SLC6A3: variants seen among roughly 807,000 people sequenced by gnomAD.
The protein encoded by SLC6A3 is solute carrier family 6 member 3.
A neutral mutation model predicts 70.4 loss-of-function variants in SLC6A3; 19 were observed. That is an observed-to-expected ratio of 0.27 (90% CI 0.19 to 0.40). The LOEUF is 0.40. Ranked by LOEUF, SLC6A3 falls within the 10% of genes least tolerant of loss-of-function variation. The pLI is 1.00. For missense variants in SLC6A3, 613 were observed against 838.5 expected (o/e 0.73, Z 3.32); for synonymous variants, 368 against 356.6 (o/e 1.03, Z -0.36).
chr5:1,435,627 A>G (rs923640189), intron 3 of SLC6A3, among the ~76,000 whole-genome samples: 22 of 152,268 alleles, frequency 1.4e-4, no homozygotes, highest in Admixed American at 1.2e-3. Context: ...TCCATGGGAC[A>G]GTGCAGCCCC....
Position 1,436,051 on chromosome 5 carries a change from C to T in SLC6A3, c.419-3353G>A, listed in dbSNP as rs931910098. On this transcript the variant is annotated intron_variant, in intron 3 of 14. Coordinates refer to ENST00000270349, the MANE Select transcript of SLC6A3 (RefSeq NM_001044.5). This position sits in a 1 kb window ranked among gnomAD's most constrained non-coding sequence, Gnocchi z 5.2. ...TGGGTGAGGAAATGGCTCCCTTGAA[C>T]GGTGGTGGCCAGTCCCCTCCTGGAT... Among the ~76,000 whole-genome samples the T allele has an allele frequency of 1.4e-5, 2 of 147,296 alleles. No individual in the cohort carries two copies. The highest frequency in any genetic ancestry group is 2.3e-4 in the South Asian group (1 of 4,402).
rs1045488707 is a variant in SLC6A3, at chr5:1,396,510, A to G, written c.1840-1752T>C. Among the ~76,000 whole-genome samples, 9 of 152,194 alleles carry G rather than the reference A, an allele frequency of 5.9e-5. No individual in the cohort carries two copies. Among genetic ancestry groups the G allele is most frequent in the Admixed American group, 2.6e-4 (4 of 15,276 alleles). On this transcript the variant is annotated intron_variant, in intron 14 of 14. Coordinates refer to ENST00000270349, the MANE Select transcript of SLC6A3 (RefSeq NM_001044.5). This position sits in a 1 kb window ranked among gnomAD's most constrained non-coding sequence, Gnocchi z 7.0. ...TGGACTCCCTGAGCTGAGACGCTGGAAAGGAGAGCGAGGGAAACGGAGGTG... is the reference window on the plus strand; with the variant it reads ...TGGACTCCCTGAGCTGAGACGCTGGGAAGGAGAGCGAGGGAAACGGAGGTG...
Position 1,436,988 on chromosome 5 carries a change from A to G in SLC6A3, c.419-4290T>C, listed in dbSNP as rs1756851267. Among the ~76,000 whole-genome samples the G allele has an allele frequency of 6.6e-6, 1 of 152,146 alleles. No individual in the cohort carries two copies. Among genetic ancestry groups the G allele is most frequent in the Non-Finnish European group, 1.5e-5 (1 of 68,036 alleles). Reference sequence around the variant, plus strand: ...GGGAGAGGGCCGGGCACGGTGGCTCACTCCTGTAATCCCAGCACTTTGGGA... The same window carrying G: ...GGGAGAGGGCCGGGCACGGTGGCTCGCTCCTGTAATCCCAGCACTTTGGGA... On this transcript the variant is annotated intron_variant, in intron 3 of 14. Coordinates refer to ENST00000270349, the MANE Select transcript of SLC6A3 (RefSeq NM_001044.5). The surrounding 1 kb of genome is among the most constrained non-coding windows in gnomAD (Gnocchi z 5.2).
chr5:1,400,334 G>T (rs917745153), intron 14 of SLC6A3, among the ~76,000 whole-genome samples: 1 of 152,188 alleles, frequency 6.6e-6, no homozygotes, highest in Non-Finnish European at 1.5e-5. Flanking sequence ...GTAAAAACAC[G>T]TCAAGTGTTT....
chr5:1,431,119 A>T lies in SLC6A3; in HGVS notation c.653+1345T>A, dbSNP rs527543586. ...TGAGTCGAAGAGTCCGCCTGTCAGA[A>T]CGGCGACCCGGCACGAGGCCCCAGG... On this transcript the variant is annotated intron_variant, in intron 4 of 14. Coordinates refer to ENST00000270349, the MANE Select transcript of SLC6A3 (RefSeq NM_001044.5). 2.0e-5 allele frequency among the ~76,000 whole-genome samples: 3 copies of T among 152,366 alleles called. No individual in the cohort carries two copies. In the East Asian group the frequency reaches 5.8e-4, roughly 29 times the overall value.
rs1756830003 is a variant in SLC6A3 at position 1,436,180 on chromosome 5, G to A, written c.419-3482C>T. The stretch of plus-strand genomic sequence containing the variant: ...TGCTCCAAGCCCTGCCCTTCAGGAA[G>A]GCAGAGCCCGTGACCTGGGCCACTG... On this transcript the variant is annotated intron_variant, in intron 3 of 14. Coordinates refer to ENST00000270349, the MANE Select transcript of SLC6A3 (RefSeq NM_001044.5). The surrounding 1 kb of genome is among the most constrained non-coding windows in gnomAD (Gnocchi z 5.2). Among the ~76,000 whole-genome samples the A allele has an allele frequency of 6.6e-6, 1 of 152,246 alleles. No individual in the cohort carries two copies.
chr5:1,441,929 A>G (rs1428388198), intron 2 of SLC6A3, among the ~76,000 whole-genome samples: 1 of 151,918 alleles, frequency 6.6e-6, no homozygotes, highest in East Asian at 1.9e-4. Flanking sequence ...TCCTGTCCCC[A>G]GCTTCTGGGG....
intron 9 of SLC6A3, 72 bp from the exon 10 acceptor site, chr5:1,409,921 T>G: frequency 6.3e-7 from 1 of 1,589,226 alleles, no homozygotes; most frequent in African/African-American, 1.3e-5. Flanking sequence ...AAGACCTACT[T>G]GTCACCCAGT....
Position 1,394,576 on chromosome 5 carries a change from C to CA in SLC6A3, c.*158dup, listed in dbSNP as rs1423314567. 6 of 782,792 alleles carry CA rather than the reference C, an allele frequency of 7.7e-6. No individual in the cohort carries two copies. Among genetic ancestry groups the CA allele is most frequent in the African/African-American group, 1.7e-5 (1 of 59,210 alleles). The allele number at this position is 782,792 out of a possible 1,614,324, so 48.5% of individuals were successfully genotyped here. The stretch of plus-strand genomic sequence containing the variant: ...CGCTCCCGGCACGGAAAGGTGTAAA[C>CA]AGTCAGAAGAGAGGAGTCTTCTGCT... On this transcript the variant is annotated 3_prime_UTR_variant, in exon 15 of 15. Coordinates refer to ENST00000270349, the MANE Select transcript of SLC6A3 (RefSeq NM_001044.5). The surrounding 1 kb of genome is among the most constrained non-coding windows in gnomAD (Gnocchi z 4.7).
rs28382235 is a variant in SLC6A3, at chr5:1,432,807, A to C, written c.419-109T>G. ...ACGGGAGACATTACCCTGAGCCCAC[A>C]ACTCCTGGACAGCCCTGATGCCAGA... is the stretch of plus-strand genomic sequence containing the variant. On this transcript the variant is annotated intron_variant, in intron 3 of 14. Coordinates refer to ENST00000270349, the MANE Select transcript of SLC6A3 (RefSeq NM_001044.5). 3.0e-3 allele frequency: 2,384 copies of C among 784,478 alleles called. 38 individuals are homozygous for C. The African/African-American group carries it at 0.036, about 12-fold the overall frequency. The allele number at this position is 784,478 out of a possible 1,614,324, so 48.6% of individuals were successfully genotyped here.
chr5:1,438,586 G>A lies in SLC6A3; in HGVS notation c.418+2773C>T, dbSNP rs193058971. 1.3e-5 allele frequency among the ~76,000 whole-genome samples: 2 copies of A among 152,376 alleles called. No homozygotes were observed. Among genetic ancestry groups the A allele is most frequent in the East Asian group, 3.9e-4 (2 of 5,192 alleles). ...TACACCATGAAGACCCACAACGGCA[G>A]CTTTGTTGGTGAACATCCTTTCTGT... On this transcript the variant is annotated intron_variant, in intron 3 of 14. Transcript: ENST00000270349. The surrounding 1 kb of genome is among the most constrained non-coding windows in gnomAD (Gnocchi z 6.5).
Position 1,441,606 on chromosome 5 carries a change from C to G in SLC6A3, c.287-116G>C, listed in dbSNP as rs1045227281. 4 of 1,222,628 alleles carry G rather than the reference C, an allele frequency of 3.3e-6. No homozygotes were observed. The African/African-American group carries it at 6.0e-5, about 18-fold the overall frequency. The allele number at this position is 1,222,628 out of a possible 1,614,324, so 75.7% of individuals were successfully genotyped here. On this transcript the variant is annotated intron_variant, in intron 2 of 14. Coordinates refer to ENST00000270349, the MANE Select transcript of SLC6A3 (RefSeq NM_001044.5). ...CATGTCCTGGCCCGACCGTTTCACC[C>G]CACTCTCCAACGGGAAGTCCCAGGC...
At position 1,433,864 on chromosome 5, in the gene SLC6A3, T is replaced by C. The variant is rs535633334; in HGVS notation, c.419-1166A>G. Among the ~76,000 whole-genome samples, 7 of 151,940 alleles carry C rather than the reference T, an allele frequency of 4.6e-5. No individual in the cohort carries two copies. In the South Asian group the frequency reaches 1.5e-3, roughly 32 times the overall value. The stretch of plus-strand genomic sequence containing the variant: ...ATCCACAGCCATCCATAGTCATCCA[T>C]GGCTGTCCACAACCTCCCACATCCA... On this transcript the variant is annotated intron_variant, in intron 3 of 14. Transcript: ENST00000270349.
chr5:1,427,076 C>T (rs553250518), intron 4 of SLC6A3, among the ~76,000 whole-genome samples: 2 of 152,324 alleles, frequency 1.3e-5, no homozygotes, highest in South Asian at 4.1e-4. Flanking sequence ...GGAAGATGGT[C>T]TTAAATGGAA....
chr5:1,436,226 C>T lies in SLC6A3; in HGVS notation c.419-3528G>A, dbSNP rs547036259. ...CACTGACGTGTAGCCCCTCACCAAC[C>T]AGCCAACTTCACCACGAGCTCCTCA... On this transcript the variant is annotated intron_variant, in intron 3 of 14. Transcript: ENST00000270349. This position sits in a 1 kb window ranked among gnomAD's most constrained non-coding sequence, Gnocchi z 5.2. Among the ~76,000 whole-genome samples the T allele has an allele frequency of 1.3e-5, 2 of 152,380 alleles. No individual in the cohort carries two copies. The highest frequency in any genetic ancestry group is 4.1e-4 in the South Asian group (2 of 4,832).
rs28382225 is a variant in SLC6A3 at position 1,441,882 on chromosome 5, C to G, written c.287-392G>C. ...GCCTCTTGAGTTGTGAATCTGTGAC[C>G]CCCCAACTCTGCCCCTGAGCTGAGT... On this transcript the variant is annotated intron_variant, in intron 2 of 14. Transcript: ENST00000270349. 5.3e-3 allele frequency among the ~76,000 whole-genome samples: 801 copies of G among 152,212 alleles called. 9 individuals are homozygous for G. Among genetic ancestry groups the G allele is most frequent in the African/African-American group, 0.018 (766 of 41,510 alleles).
intron 3 of SLC6A3, among the ~76,000 whole-genome samples, chr5:1,439,012 C>T (rs1211067333): frequency 6.6e-5 from 10 of 152,256 alleles, no homozygotes; most frequent in South Asian, 2.1e-4. Context: ...CTCTGAAACA[C>T]GTCCGTGCCG....
intron 4 of SLC6A3, among the ~76,000 whole-genome samples, chr5:1,431,254 C>G (rs1756694559): frequency 6.6e-6 from 1 of 152,244 alleles, no homozygotes; most frequent in African/African-American, 2.4e-5. Context: ...CCCTTCCAGG[C>G]TGGGCCAGGC....
rs1440045564 is a variant in SLC6A3, at chr5:1,436,518, A to C, written c.419-3820T>G. Reference sequence around the variant, plus strand: ...CCCAGGAAGCTCGGCGCTAAGTGTGAATTTCAAGCATAGCTTTTAAGGCCC... The same window carrying C: ...CCCAGGAAGCTCGGCGCTAAGTGTGCATTTCAAGCATAGCTTTTAAGGCCC... On this transcript the variant is annotated intron_variant, in intron 3 of 14. Coordinates refer to ENST00000270349, the MANE Select transcript of SLC6A3 (RefSeq NM_001044.5). The surrounding 1 kb of genome is among the most constrained non-coding windows in gnomAD (Gnocchi z 5.2). Among the ~76,000 whole-genome samples, 1 of 152,206 alleles carries C rather than the reference A, an allele frequency of 6.6e-6. No individual in the cohort carries two copies. Among genetic ancestry groups the C allele is most frequent in the African/African-American group, 2.4e-5 (1 of 41,434 alleles).
Sources: gnomAD v4.1 joint callset for allele counts (sites outside exome capture counted in the v4.1 genomes callset) on GRCh38, gnomAD v4.1.1 for gene constraint, Gnocchi (gnomAD v3.1) non-coding constraint, MANE v1.5 for transcripts, NCBI Gene and HGNC (gene_info 2026-07-23, HGNC 2026-07-21) for gene names.